The following CFAP58 variants were observed in gnomAD, a reference collection of about 807,000 sequenced individuals.
CFAP58 encodes the protein cilia and flagella associated protein 58.
In CFAP58, 88 loss-of-function variants were observed where a neutral mutation model predicts 119.5. The ratio of observed to expected loss-of-function variants is 0.74; its 90% CI spans 0.62 to 0.88. The LOEUF (loss-of-function observed/expected upper bound fraction) is 0.88, where lower values mean the gene tolerates loss of function less well. Ranked by LOEUF, CFAP58 falls within the 40% of genes least tolerant of loss-of-function variation. CFAP58 has a pLI of 0.00. For synonymous variants in CFAP58, 365 were observed against 366.3 expected (o/e 1.00, Z 0.04); for missense variants, 990 against 1,021.2 (o/e 0.97, Z 0.42).
intron 15 of CFAP58, among the ~76,000 whole-genome samples, chr10:104,415,656 A>G (rs2012539713): frequency 1.3e-5 from 2 of 152,144 alleles, no homozygotes; most frequent in South Asian, 4.1e-4. Flanking sequence ...AGGGCACCAA[A>G]AATACCTGTT....
chr10:104,358,472 T>C lies in CFAP58; in HGVS notation c.141T>C (p.His47=). 1 of 1,614,098 alleles carries C rather than the reference T, an allele frequency of 6.2e-7. No homozygotes were observed. Among genetic ancestry groups the C allele is most frequent in the Non-Finnish European group, 8.5e-7 (1 of 1,180,016 alleles). ...EKFRIEYERL[H]AVMKKSYDNE... ...TTCGGATTGAATATGAGAGGCTTCA[T>C]GCTGTCATGAAAAAGTCTTATGACA... The change falls in exon 2 of 18, where the codon CAT becomes CAC. Residue 47 remains histidine (H), a synonymous_variant. Transcript: ENST00000369704.
At chr10:104,387,083 T>A (rs927806355) in intron 9 of CFAP58, among the ~76,000 whole-genome samples, 1 of 152,228 alleles carries the variant, frequency 6.6e-6, no homozygotes, top group South Asian at 2.1e-4. Flanking sequence ...AGGAAGAAGA[T>A]CCCCTTTTGT....
chr10:104,352,057 G>A (rs911644755), upstream of CFAP58: 1 of 152,184 alleles, frequency 6.6e-6, no homozygotes, highest in Non-Finnish European at 1.5e-5. Flanking sequence ...TTCACTAGTA[G>A]TTAGAGAAGT....
chr10:104,372,725 C>T (rs564368928), intron 7 of CFAP58, among the ~76,000 whole-genome samples: 2 of 152,262 alleles, frequency 1.3e-5, no homozygotes, highest in South Asian at 4.1e-4. Flanking sequence ...TCTGTTTTTG[C>T]TTGCAATAGT....
At position 104,432,792 on chromosome 10, in the gene CFAP58, C is replaced by T. The variant is rs185460534; in HGVS notation, c.2257-14906C>T. Among the ~76,000 whole-genome samples, 40 of 152,278 alleles carry T rather than the reference C, an allele frequency of 2.6e-4. 1 individual carries two copies. Among genetic ancestry groups the T allele is most frequent in the Admixed American group, 1.7e-3 (26 of 15,292 alleles). ...TTGGGATTACAGGCGTGAGCCACCG[C>T]GCCCGGCCAGTAGGCACTTTTATAT... is the stretch of plus-strand genomic sequence containing the variant. On this transcript the variant is annotated intron_variant, in intron 15 of 17. Coordinates refer to ENST00000369704, the MANE Select transcript of CFAP58 (RefSeq NM_001008723.2).
At position 104,364,427 on chromosome 10, in the gene CFAP58, A is replaced by AACACACAC. The variant is rs66757511; in HGVS notation, c.441-269_441-262dup. Among the ~76,000 whole-genome samples the AACACACAC allele has an allele frequency of 4.5e-3, 644 of 142,232 alleles. 7 individuals are homozygous for AACACACAC. Among genetic ancestry groups the AACACACAC allele is most frequent in the African/African-American group, 0.016 (601 of 38,344 alleles). The allele number at this position is 142,232 out of a possible 152,430, so 93.3% of individuals were successfully genotyped here. A position where few individuals can be genotyped will look rare whatever the true frequency, so the allele number is the denominator to read the frequency against. On this transcript the variant is annotated intron_variant, in intron 3 of 17. Coordinates refer to ENST00000369704, the MANE Select transcript of CFAP58 (RefSeq NM_001008723.2). ...CTGGGCTCTGTAAAAATGTCTGTAAAACACACACACACACACACACACACA... is the reference window on the plus strand; with the variant it reads ...CTGGGCTCTGTAAAAATGTCTGTAAAACACACACACACACACACACACACACACACACA...
At chr10:104,422,293 G>A (rs2133068882) in intron 15 of CFAP58, among the ~76,000 whole-genome samples, 1 of 152,290 alleles carries the variant, frequency 6.6e-6, no homozygotes, top group South Asian at 2.1e-4. Context: ...TCCCTTTCAG[G>A]AGTAATTGCA....
chr10:104,423,748 A>C (rs1375900916), intron 15 of CFAP58, among the ~76,000 whole-genome samples: 3 of 152,230 alleles, frequency 2.0e-5, no homozygotes, highest in Admixed American at 6.5e-5. Context: ...GGACAGCAGC[A>C]AGATTCAATT....
the CFAP58 span, among the ~76,000 whole-genome samples, chr10:104,346,722 G>A: frequency 2.1e-4 from 29 of 137,542 alleles, no homozygotes; most frequent in Admixed American, 8.7e-4. Flanking sequence ...TGCAACCTCC[G>A]CCTCCTGGGT....
At chr10:104,357,922 T>C (rs544745884) in intron 1 of CFAP58, among the ~76,000 whole-genome samples, 2,075 of 112,992 alleles carry the variant, frequency 0.018, 87 homozygotes, top group Middle Eastern at 0.022. Context: ...CACATATATG[T>C]ACACATATAC....
Position 104,380,011 on chromosome 10 carries a change from T to C in CFAP58, c.1174-18T>C. On this transcript the variant is annotated intron_variant, in intron 8 of 17. Coordinates refer to ENST00000369704, the MANE Select transcript of CFAP58 (RefSeq NM_001008723.2). Reference sequence around the variant, plus strand: ...GAACATTATGAGTAATGTGACTGCTTTGTGCCCTTATTTTTAGAACATGCT... The same window carrying C: ...GAACATTATGAGTAATGTGACTGCTCTGTGCCCTTATTTTTAGAACATGCT... 6.2e-7 allele frequency: 1 copy of C among 1,607,684 alleles called. No individual in the cohort carries two copies. Among genetic ancestry groups the C allele is most frequent in the Non-Finnish European group, 8.5e-7 (1 of 1,176,930 alleles).
intron 15 of CFAP58, among the ~76,000 whole-genome samples, chr10:104,438,326 G>GTT (rs201531910): frequency 1.6e-5 from 2 of 125,332 alleles, no homozygotes; most frequent in African/African-American, 6.5e-5. Flanking sequence ...AATTTTTATT[G>GTT]TTTTTTTGTT....
intron 3 of CFAP58, among the ~76,000 whole-genome samples, chr10:104,362,454 G>A (rs1293738168): frequency 2.0e-5 from 3 of 152,170 alleles, no homozygotes; most frequent in Non-Finnish European, 2.9e-5. Flanking sequence ...TGCAATTTGT[G>A]TAGAATATAA....
chr10:104,443,333 T>G lies in CFAP58; in HGVS notation c.2257-4365T>G, dbSNP rs936684473. Among the ~76,000 whole-genome samples the G allele has an allele frequency of 4.6e-5, 7 of 152,332 alleles. No individual in the cohort carries two copies. In the South Asian group the frequency reaches 1.4e-3, roughly 32 times the overall value. On this transcript the variant is annotated intron_variant, in intron 15 of 17. Transcript: ENST00000369704. ...GAAGGCAAGATGGAATCTCTTTCCTTGGAGTTCTTGGCACTCAAGCATCTG... is the reference window on the plus strand; with the variant it reads ...GAAGGCAAGATGGAATCTCTTTCCTGGGAGTTCTTGGCACTCAAGCATCTG...
At position 104,406,917 on chromosome 10, in the gene CFAP58, G is replaced by A. The variant is rs2012372221; in HGVS notation, c.2256+124G>A. The stretch of plus-strand genomic sequence containing the variant: ...CTGTATTTAACTGTAGATGGCAACA[G>A]TGACTTACACATAAAGAACAAGCAC... On this transcript the variant is annotated intron_variant, in intron 15 of 17. Coordinates refer to ENST00000369704, the MANE Select transcript of CFAP58 (RefSeq NM_001008723.2). 4 of 683,008 alleles carry A rather than the reference G, an allele frequency of 5.9e-6. No homozygotes were observed. The East Asian group carries it at 8.0e-5, about 14-fold the overall frequency. 42.3% of individuals were successfully genotyped at this position (683,008 alleles called of 1,614,324 possible). A position where few individuals can be genotyped will look rare whatever the true frequency, so the allele number is the denominator to read the frequency against.
At chr10:104,357,932 C>CACACATATATGTACACATATAT (rs1564876015) in intron 1 of CFAP58, among the ~76,000 whole-genome samples, 35 of 107,392 alleles carry the variant, frequency 3.3e-4, no homozygotes, top group Non-Finnish European at 3.9e-4. Context: ...TACACATATA[C>CACACATATATGTACACATATAT]ACACATATAT....
chr10:104,395,939 C>T (rs970151752), intron 11 of CFAP58, among the ~76,000 whole-genome samples: 1 of 152,184 alleles, frequency 6.6e-6, no homozygotes, highest in Non-Finnish European at 1.5e-5. Context: ...TTCATTCATC[C>T]CCTTCAGCAG....
chr10:104,372,057 T>TA (rs913515616), intron 7 of CFAP58, among the ~76,000 whole-genome samples: 4 of 151,540 alleles, frequency 2.6e-5, no homozygotes, highest in Non-Finnish European at 5.9e-5. Context: ...GACTCTGTCT[T>TA]AAAAAAAAAT....
At chr10:104,340,728 T>C in the CFAP58 span, among the ~76,000 whole-genome samples, 3 of 152,112 alleles carry the variant, frequency 2.0e-5, no homozygotes, top group African/African-American at 7.2e-5. Context: ...CTCAAAAGCA[T>C]GACATGAATA....
Sources: gnomAD v4.1 joint callset for allele counts (sites outside exome capture counted in the v4.1 genomes callset) on GRCh38, gnomAD v4.1.1 for gene constraint, MANE v1.5 for transcripts, NCBI Gene and HGNC (gene_info 2026-07-23, HGNC 2026-07-21) for gene names.